PTP4A3: variants seen among roughly 807,000 people sequenced by gnomAD.
PTP4A3 encodes the protein protein tyrosine phosphatase type IVA 3.
Under a neutral mutation model 15.2 loss-of-function variants are expected in PTP4A3, and 9 were observed. That is an observed-to-expected ratio of 0.59 (90% confidence interval 0.36 to 1.03). The LOEUF is 1.03. Among genes scored for constraint, PTP4A3 ranks in the 50% least tolerant of loss-of-function variants. PTP4A3 has a pLI of 0.02. For synonymous variants in PTP4A3, 95 were observed against 102.0 expected (o/e 0.93, Z 0.41); for missense variants, 234 against 252.1 (o/e 0.93, Z 0.49).
At chr8:141,398,755 T>G (rs1002316028) in intron 1 of PTP4A3, among the ~76,000 whole-genome samples, 1 of 152,044 alleles carries the variant, frequency 6.6e-6, no homozygotes, top group Non-Finnish European at 1.5e-5. Flanking sequence ...CTTCAGTTGA[T>G]GACGTCATTG....
rs892107701 is a variant in PTP4A3, at chr8:141,425,425, C to T, written c.198+285C>T. ...ATGCTTGGTGCATCGGCCAAGGTGGCGGGTGGGCTCCTCTGCCTGTCTCAG... is the reference window on the plus strand; with the variant it reads ...ATGCTTGGTGCATCGGCCAAGGTGGTGGGTGGGCTCCTCTGCCTGTCTCAG... On this transcript the variant is annotated intron_variant, in intron 3 of 5. Coordinates refer to ENST00000521578, the MANE Select transcript of PTP4A3 (RefSeq NM_032611.3). The surrounding 1 kb of genome is among the most constrained non-coding windows in gnomAD (Gnocchi z 4.2). Among the ~76,000 whole-genome samples the T allele has an allele frequency of 2.0e-5, 3 of 152,198 alleles. No homozygotes were observed. The highest frequency in any genetic ancestry group is 1.9e-4 in the East Asian group (1 of 5,174).
chr8:141,417,004 T>C (rs1188464331), intron 1 of PTP4A3, among the ~76,000 whole-genome samples: 2 of 152,066 alleles, frequency 1.3e-5, no homozygotes, highest in Admixed American at 1.3e-4. Context: ...CTGAGGGCCC[T>C]GGGTGGCCAG....
chr8:141,422,155 T>C lies in PTP4A3; in HGVS notation c.-86T>C. 1 of 1,286,892 alleles carries C rather than the reference T, an allele frequency of 7.8e-7. No homozygotes were observed. The highest frequency in any genetic ancestry group is 1.1e-6 in the Non-Finnish European group (1 of 895,722). The allele number at this position is 1,286,892 out of a possible 1,614,324, so 79.7% of individuals were successfully genotyped here. A position where few individuals can be genotyped will look rare whatever the true frequency, so the allele number is the denominator to read the frequency against. ...CACAGGGATCTCGTTCTCCTCATTTTTTGGGGGTGTGTGGGGACTTCTCAG... is the reference window on the plus strand; with the variant it reads ...CACAGGGATCTCGTTCTCCTCATTTCTTGGGGGTGTGTGGGGACTTCTCAG... On this transcript the variant is annotated 5_prime_UTR_variant, in exon 2 of 6. Coordinates refer to ENST00000521578, the MANE Select transcript of PTP4A3 (RefSeq NM_032611.3).
At position 141,425,065 on chromosome 8, in the gene PTP4A3, G is replaced by A; in HGVS notation, c.123G>A (p.Gly41=). 6.2e-7 allele frequency: 1 copy of A among 1,613,228 alleles called. No homozygotes were observed. Among genetic ancestry groups the A allele is most frequent in the Non-Finnish European group, 8.5e-7 (1 of 1,179,846 alleles). Residue 41 remains glycine, a synonymous_variant, in exon 3 of 6, where the codon GGG becomes GGA. Transcript: ENST00000521578. The surrounding 1 kb of genome is among the most constrained non-coding windows in gnomAD (Gnocchi z 4.2). ...ACCCCCAGGACCTGAAGAAGTACGG[G>A]GCTACCACTGTGGTGCGTGTGTGTG... ...STFIEDLKKY[G]ATTVVRVCEV... is the part of the protein sequence containing the mutation.
At chr8:141,397,462 C>T (rs1832480300) in intron 1 of PTP4A3, among the ~76,000 whole-genome samples, 1 of 152,246 alleles carries the variant, frequency 6.6e-6, no homozygotes, top group Admixed American at 6.5e-5. Flanking sequence ...CTCTGCCATG[C>T]CCAGCTCCTA....
chr8:141,400,856 G>A (rs889741154), intron 1 of PTP4A3, among the ~76,000 whole-genome samples: 2 of 152,200 alleles, frequency 1.3e-5, no homozygotes, highest in Non-Finnish European at 2.9e-5. Context: ...AGTAGGACTT[G>A]TAGGAGATGG....
At chr8:141,395,862 C>T (rs1832439193) in intron 1 of PTP4A3, among the ~76,000 whole-genome samples, 1 of 152,204 alleles carries the variant, frequency 6.6e-6, no homozygotes, top group Non-Finnish European at 1.5e-5. Flanking sequence ...GTGTCTTCCC[C>T]AGATGTAGGG....
chr8:141,398,584 A>G (rs2129805338), intron 1 of PTP4A3, among the ~76,000 whole-genome samples: 1 of 152,198 alleles, frequency 6.6e-6, no homozygotes, highest in South Asian at 2.1e-4. Context: ...GGAAGTCTCT[A>G]ACCCTGGGAG....
chr8:141,403,125 C>CAG (rs1832637054), intron 1 of PTP4A3, among the ~76,000 whole-genome samples: 1 of 152,214 alleles, frequency 6.6e-6, no homozygotes, highest in African/African-American at 2.4e-5. Flanking sequence ...GTCAGAGACG[C>CAG]AGAGCCCTGG....
chr8:141,416,294 G>A (rs1833052536), intron 1 of PTP4A3, among the ~76,000 whole-genome samples: 3 of 152,136 alleles, frequency 2.0e-5, no homozygotes, highest in Non-Finnish European at 2.9e-5. Flanking sequence ...GGGTCTCGGG[G>A]GCAGCAAGAC....
At position 141,431,375 on chromosome 8, in the gene PTP4A3, G is replaced by A; in HGVS notation, c.*331G>A. 2.8e-6 allele frequency: 1 copy of A among 360,724 alleles called. No homozygotes were observed. The highest frequency in any genetic ancestry group is 5.0e-6 in the Non-Finnish European group (1 of 198,980). The allele number at this position is 360,724 out of a possible 1,614,324, so 22.3% of individuals were successfully genotyped here. A position where few individuals can be genotyped will look rare whatever the true frequency, so the allele number is the denominator to read the frequency against. ...TGGTCTCCTCTAGCCTGTTTGTTGT[G>A]GGGTGGGGGTATATTTTGTAACCAC... On this transcript the variant is annotated 3_prime_UTR_variant, in exon 6 of 6. Coordinates refer to ENST00000521578, the MANE Select transcript of PTP4A3 (RefSeq NM_032611.3).
At position 141,431,395 on chromosome 8, in the gene PTP4A3, A is replaced by C; in HGVS notation, c.*351A>C. The C allele has an allele frequency of 3.4e-6, 1 of 298,098 alleles. No homozygotes were observed. The highest frequency in any genetic ancestry group is 7.8e-5 in the East Asian group (1 of 12,800). The allele number at this position is 298,098 out of a possible 1,614,324, so 18.5% of individuals were successfully genotyped here. ...GTTGTGGGGTGGGGGTATATTTTGT[A>C]ACCACTGGGCCCCCAGCCCCTCTTT... On this transcript the variant is annotated 3_prime_UTR_variant, in exon 6 of 6. Coordinates refer to ENST00000521578, the MANE Select transcript of PTP4A3 (RefSeq NM_032611.3).
chr8:141,412,062 T>C (rs935627210), intron 1 of PTP4A3, among the ~76,000 whole-genome samples: 12 of 151,932 alleles, frequency 7.9e-5, no homozygotes, highest in Admixed American at 6.6e-5. Context: ...CACAGAGGGG[T>C]TCTTGGGCCT....
Position 141,425,066 on chromosome 8 carries a change from G to A in PTP4A3, c.124G>A (p.Ala42Thr). 6.2e-7 allele frequency: 1 copy of A among 1,613,224 alleles called. No individual in the cohort carries two copies. The highest frequency in any genetic ancestry group is 8.5e-7 in the Non-Finnish European group (1 of 1,179,832). Reference protein sequence around the residue: ...TFIEDLKKYGATTVVRVCEVT... With the variant: ...TFIEDLKKYGTTTVVRVCEVT... ...CCCCCAGGACCTGAAGAAGTACGGG[G>A]CTACCACTGTGGTGCGTGTGTGTGA... is the stretch of plus-strand genomic sequence containing the variant. Residue 42 changes from alanine (A) to threonine (T), a missense_variant, in exon 3 of 6, where the codon GCT (alanine) becomes ACT (threonine). Coordinates refer to ENST00000521578, the MANE Select transcript of PTP4A3 (RefSeq NM_032611.3). The surrounding 1 kb of genome is among the most constrained non-coding windows in gnomAD (Gnocchi z 4.2).
intron 4 of PTP4A3, among the ~76,000 whole-genome samples, chr8:141,427,540 C>G (rs1833634287): frequency 6.6e-6 from 1 of 152,230 alleles, no homozygotes; most frequent in African/African-American, 2.4e-5. Flanking sequence ...CCTCCCCCAG[C>G]AGATCACAGA....
chr8:141,427,834 C>T lies in PTP4A3; in HGVS notation c.404+10C>T, dbSNP rs7465654. On this transcript the variant is annotated intron_variant, in intron 5 of 5. Transcript: ENST00000521578. ...TCCAGTTCATCCGCCAGTGAGTGGCCGCGGTGGTGGGGTGGGCTGTGAGCG... is the reference window on the plus strand; with the variant it reads ...TCCAGTTCATCCGCCAGTGAGTGGCTGCGGTGGTGGGGTGGGCTGTGAGCG... The T allele has an allele frequency of 0.17, 256,899 of 1,547,068 alleles. 22,532 individuals are homozygous for T. Among genetic ancestry groups the T allele is most frequent in the East Asian group, 0.21 (8,690 of 40,834 alleles).
chr8:141,427,710 C>T (rs192748958), intron 4 of PTP4A3, 40 bp from the exon 5 acceptor site: 13 of 1,521,252 alleles, frequency 8.5e-6, no homozygotes, highest in East Asian at 4.9e-5. Context: ...GACAGGGGTG[C>T]GCAGGCTCCG....
Position 141,416,949 on chromosome 8 carries a change from A to AG in PTP4A3, c.-853-4436dup, listed in dbSNP as rs578244207. ...GAGCTGCAAGCAGGGCCACACCTCCAGGGACCCTGTGCTGGGGGTACCACC... is the reference window on the plus strand; with the variant it reads ...GAGCTGCAAGCAGGGCCACACCTCCAGGGGACCCTGTGCTGGGGGTACCACC... On this transcript the variant is annotated intron_variant, in intron 1 of 5. Coordinates refer to ENST00000521578, the MANE Select transcript of PTP4A3 (RefSeq NM_032611.3). Among the ~76,000 whole-genome samples the AG allele has an allele frequency of 7.1e-4, 108 of 152,258 alleles. No individual in the cohort carries two copies. The Middle Eastern group carries it at 0.014, about 19-fold the overall frequency.
chr8:141,422,004 AAG>A lies in PTP4A3; in HGVS notation c.-234_-233del. 2.1e-6 allele frequency: 1 copy of A among 480,348 alleles called. No individual in the cohort carries two copies. The highest frequency in any genetic ancestry group is 3.7e-6 in the Non-Finnish European group (1 of 273,838). The allele number at this position is 480,348 out of a possible 1,614,324, so 29.8% of individuals were successfully genotyped here. On this transcript the variant is annotated 5_prime_UTR_variant, in exon 2 of 6. Transcript: ENST00000521578. ...GGCTGTTTTGTTCCTTTTCTTTTTT[AAG>A]AGTTGGGTTTTCTTTTTTAATTATC... is the stretch of plus-strand genomic sequence containing the variant.
Sources: allele counts gnomAD v4.1 joint callset (sites outside exome capture counted in the v4.1 genomes callset), GRCh38; gene constraint gnomAD v4.1.1; non-coding constraint Gnocchi (gnomAD v3.1); transcripts MANE v1.5; gene names NCBI Gene and HGNC (gene_info 2026-07-23, HGNC 2026-07-21).